Variants in NLGN1 observed in about 807,000 individuals in gnomAD.
NLGN1 encodes the protein neuroligin 1, also known as neuroligin-1.
In NLGN1, 12 loss-of-function variants were observed where a neutral mutation model predicts 65.5. That is an observed-to-expected ratio of 0.18 (90% CI 0.12 to 0.30). The LOEUF (loss-of-function observed/expected upper bound fraction) is 0.30. Ranked by LOEUF, NLGN1 falls within the 10% of genes least tolerant of loss-of-function variation. NLGN1 has a pLI of 1.00. For missense variants in NLGN1, 750 were observed against 1,007.1 expected (o/e 0.74, Z 3.46); for synonymous variants, 350 against 359.5 (o/e 0.97, Z 0.30).
exon 7 of NLGN1, chr3:174,282,097 G>C (rs1751605328): frequency 6.6e-6 from 1 of 152,202 alleles, no homozygotes; most frequent in Admixed American, 6.6e-5. Flanking sequence ...AATATAGAAG[G>C]AATTAGCTAT....
chr3:174,041,152 T>C (rs927392883), intron 4 of NLGN1, among the ~76,000 whole-genome samples: 10 of 152,166 alleles, frequency 6.6e-5, no homozygotes, highest in African/African-American at 2.4e-4. Flanking sequence ...TTGCCACCTG[T>C]CCCCAAAGTT....
At chr3:173,568,211 T>TCCTTG (rs1426069960) in intron 2 of NLGN1, among the ~76,000 whole-genome samples, 1 of 150,708 alleles carries the variant, frequency 6.6e-6, no homozygotes, top group African/African-American at 2.4e-5. Flanking sequence ...TCCTTTCCTT[T>TCCTTG]CCTTTTCCTT....
intron 4 of NLGN1, among the ~76,000 whole-genome samples, chr3:174,060,828 C>T (rs187270088): frequency 3.5e-4 from 53 of 152,098 alleles, no homozygotes; most frequent in Admixed American, 1.5e-3. Context: ...CTGTCTGGAT[C>T]GGAATCCTAA....
At chr3:173,861,573 T>C (rs1415370306) in intron 4 of NLGN1, among the ~76,000 whole-genome samples, 4 of 150,284 alleles carry the variant, frequency 2.7e-5, no homozygotes, top group South Asian at 2.2e-4. Context: ...CACACACACA[T>C]ATATATACAC....
intron 4 of NLGN1, among the ~76,000 whole-genome samples, chr3:173,812,720 GTATA>G (rs2150482171): frequency 1.4e-5 from 2 of 145,872 alleles, no homozygotes; most frequent in East Asian, 4.1e-4. Context: ...AAGGTTGTGT[GTATA>G]TACACGCACA....
At chr3:173,573,176 G>A (rs965956099) in intron 2 of NLGN1, among the ~76,000 whole-genome samples, 1 of 151,664 alleles carries the variant, frequency 6.6e-6, no homozygotes, top group Non-Finnish European at 1.5e-5. Flanking sequence ...AAACTTGGAT[G>A]TAATCTCAGT....
At chr3:173,640,634 G>GT in intron 3 of NLGN1, among the ~76,000 whole-genome samples, 1 of 152,064 alleles carries the variant, frequency 6.6e-6, no homozygotes. Flanking sequence ...CCCAAGTAGT[G>GT]TTTTTTATAA....
chr3:173,815,918 A>G (rs973639212), intron 4 of NLGN1, among the ~76,000 whole-genome samples: 1 of 151,604 alleles, frequency 6.6e-6, no homozygotes, highest in Non-Finnish European at 1.5e-5. Context: ...GACTTCTACA[A>G]CTAAGTTATA....
rs115999786 is a variant in NLGN1, at chr3:173,833,551, A to T, written c.646+25719A>T. ...ATTTATTTTTTTGAGATCATTTCCC[A>T]CTTTCTTGTCCAGGCTGGTGTGCAG... On this transcript the variant is annotated intron_variant, in intron 4 of 6. Coordinates refer to ENST00000457714, the Ensembl canonical transcript of NLGN1. Among the ~76,000 whole-genome samples the T allele has an allele frequency of 2.9e-3, 435 of 151,668 alleles. 1 individual carries two copies. Among genetic ancestry groups the T allele is most frequent in the Non-Finnish European group, 5.1e-3 (348 of 67,896 alleles).
intron 4 of NLGN1, among the ~76,000 whole-genome samples, chr3:174,022,697 G>A (rs570035871): frequency 2.0e-5 from 3 of 146,352 alleles, no homozygotes; most frequent in East Asian, 2.1e-4. Context: ...TGGGGAAATC[G>A]TGGCTCTAGA....
intron 4 of NLGN1, among the ~76,000 whole-genome samples, chr3:173,837,418 A>G (rs756872221): frequency 6.6e-6 from 1 of 152,324 alleles, no homozygotes; most frequent in Admixed American, 6.5e-5. Context: ...GACAGTAAAC[A>G]TAGACAAGGC....
intron 4 of NLGN1, among the ~76,000 whole-genome samples, chr3:173,928,918 G>A (rs1743527395): frequency 6.6e-6 from 1 of 151,924 alleles, no homozygotes; most frequent in African/African-American, 2.4e-5. Context: ...TGATTCACCT[G>A]CCTAGGCCTT....
chr3:173,831,045 C>G (rs1722457064), intron 4 of NLGN1, among the ~76,000 whole-genome samples: 1 of 152,016 alleles, frequency 6.6e-6, no homozygotes, highest in South Asian at 2.1e-4. Context: ...ACCCAATATC[C>G]CCCTTTAAAA....
intron 3 of NLGN1, among the ~76,000 whole-genome samples, chr3:173,756,362 G>A (rs1400930603): frequency 6.6e-6 from 1 of 151,760 alleles, no homozygotes; most frequent in Non-Finnish European, 1.5e-5. Context: ...AGAAAAACAA[G>A]TCATGGATTC....
chr3:173,946,753 A>G (rs1006546852), intron 4 of NLGN1, among the ~76,000 whole-genome samples: 1 of 152,176 alleles, frequency 6.6e-6, no homozygotes, highest in Non-Finnish European at 1.5e-5. Context: ...TGGGACTCTC[A>G]TTATCTTTAA....
At chr3:173,574,062 C>CAAAAAAAAAAAAAAA (rs1192427397) in intron 2 of NLGN1, among the ~76,000 whole-genome samples, 13 of 51,880 alleles carry the variant, frequency 2.5e-4, no homozygotes, top group Admixed American at 4.7e-4. Context: ...GACTCCACCT[C>CAAAAAAAAAAAAAAA]AAAAAAAAAA....
At chr3:173,887,619 C>G (rs1185537823) in intron 4 of NLGN1, among the ~76,000 whole-genome samples, 2 of 151,890 alleles carry the variant, frequency 1.3e-5, no homozygotes, top group Non-Finnish European at 1.5e-5. Context: ...TCTCTTGATT[C>G]ATTTCCAGTG....
At chr3:174,127,629 T>C (rs1313044228) in intron 4 of NLGN1, among the ~76,000 whole-genome samples, 1 of 152,154 alleles carries the variant, frequency 6.6e-6, no homozygotes, top group Non-Finnish European at 1.5e-5. Flanking sequence ...ACTCCTCTCC[T>C]GTCAAGGTTC....
At chr3:174,084,174 T>G (rs556045059) in intron 4 of NLGN1, among the ~76,000 whole-genome samples, 16 of 152,284 alleles carry the variant, frequency 1.1e-4, no homozygotes, top group Non-Finnish European at 2.1e-4. Flanking sequence ...ATTAAATAAC[T>G]TATTCCTTAA....
Sources: allele counts gnomAD v4.1 joint callset (sites outside exome capture counted in the v4.1 genomes callset), GRCh38; gene constraint gnomAD v4.1.1; transcripts MANE v1.5; gene names NCBI Gene and HGNC (gene_info 2026-07-23, HGNC 2026-07-21).